The following ADCY7 variants were observed in gnomAD, a reference collection of about 807,000 sequenced individuals.
The protein encoded by ADCY7 is adenylate cyclase 7.
Under a neutral mutation model 120.6 loss-of-function variants are expected in ADCY7, and 72 were observed. That is an observed-to-expected ratio of 0.60 (90% CI 0.49 to 0.73). ADCY7 has a LOEUF of 0.73. ADCY7 is among the 30% of genes least tolerant of loss of function. ADCY7 has a pLI of 0.00. For synonymous variants in ADCY7, 661 were observed against 628.0 expected (o/e 1.05, Z -0.78); for missense variants, 1,227 against 1,486.0 (o/e 0.83, Z 2.87).
Position 50,311,810 on chromosome 16 carries a change from C to CG in ADCY7, c.2448+24_2448+25insG, listed in dbSNP as rs1555525926. The CG allele has an allele frequency of 2.5e-4, 340 of 1,343,068 alleles. No homozygotes were observed. The African/African-American group carries it at 4.5e-3, about 18-fold the overall frequency. The allele number at this position is 1,343,068 out of a possible 1,614,324, so 83.2% of individuals were successfully genotyped here. A position where few individuals can be genotyped will look rare whatever the true frequency, so the allele number is the denominator to read the frequency against. On this transcript the variant is annotated intron_variant, in intron 20 of 25. Transcript: ENST00000673801. ...AGGTAAGGAGGCTGGCCCCCCCCCC[C>CG]CCCCCAAGCTCTGCCCACTTTTCCT...
intron 24 of ADCY7, chr16:50,314,737 C>CT (rs1474498147): frequency 2.2e-6 from 1 of 450,596 alleles, no homozygotes; most frequent in African/African-American, 2.0e-5. Flanking sequence ...TTTGTTAATA[C>CT]TTTTAACAAA....
In ADCY7 at chr16:50,274,892, C is replaced by G. The variant is rs891812810; in HGVS notation, c.-269+8212C>G. 3.9e-5 allele frequency among the ~76,000 whole-genome samples: 6 copies of G among 152,160 alleles called. 1 individual carries two copies. Among genetic ancestry groups the G allele is most frequent in the African/African-American group, 1.4e-4 (6 of 41,442 alleles). ...AGAGAGGGTGAAGAATTGCCCGAGT[C>G]ACACAGCTGGTGACAGGGAGAGCTG... On this transcript the variant is annotated intron_variant, in intron 1 of 25. Coordinates refer to ENST00000673801, the MANE Select transcript of ADCY7 (RefSeq NM_001114.5).
chr16:50,310,735 C>T lies in ADCY7; in HGVS notation c.2209C>T (p.Leu737=), dbSNP rs778318722. 54 of 1,614,020 alleles carry T rather than the reference C, an allele frequency of 3.3e-5. No individual in the cohort carries two copies. The Middle Eastern group carries it at 1.6e-3, about 49-fold the overall frequency. The change falls in exon 19 of 26, where the codon CTG becomes TTG. Residue 737 remains leucine (L), a synonymous_variant. Transcript: ENST00000673801. ...VLGFIACSVF[L]RMSLEPKVVL... ...GGGCTTCATCGCCTGCTCGGTCTTC[C>T]TGAGGATGAGCCTGGAGCCAAAGGT...
intron 1 of ADCY7, among the ~76,000 whole-genome samples, chr16:50,281,409 G>T (rs1189819330): frequency 6.6e-6 from 1 of 152,204 alleles, no homozygotes; most frequent in East Asian, 1.9e-4. Context: ...GGTGCAGCAG[G>T]TGCTTCCCGA....
intron 17 of ADCY7, chr16:50,309,027 G>A (rs944267433): frequency 8.8e-6 from 4 of 456,594 alleles, no homozygotes; most frequent in African/African-American, 2.0e-5. Flanking sequence ...GTGATGCCTT[G>A]AGCCACCACA....
intron 1 of ADCY7, among the ~76,000 whole-genome samples, chr16:50,252,553 A>G (rs1195421733): frequency 1.3e-5 from 2 of 152,046 alleles, no homozygotes; most frequent in East Asian, 1.9e-4. Flanking sequence ...TAAGGTCATC[A>G]TCTCACAGAG....
chr16:50,290,519 CCT>C lies in ADCY7; in HGVS notation c.239_240del (p.Ser80CysfsTer178). ...TCCTGGTGCTGGCGGTGTTTGCGGCCCTCTCTGTGCTGATGTACGTCGAGTGT... is the reference window on the plus strand; with the variant it reads ...TCCTGGTGCTGGCGGTGTTTGCGGCCCTCTGTGCTGATGTACGTCGAGTGT... ...AFLVLAVFAA[L>X]SVLMYVECLL... is the part of the protein sequence containing the mutation. On this transcript the variant is annotated frameshift_variant, in exon 3 of 26. Transcript: ENST00000673801. LOFTEE classifies it high-confidence loss of function. 1 of 1,614,220 alleles carries C rather than the reference CCT, an allele frequency of 6.2e-7. No homozygotes were observed. Among genetic ancestry groups the C allele is most frequent in the Non-Finnish European group, 8.5e-7 (1 of 1,180,046 alleles).
upstream of ADCY7, among the ~76,000 whole-genome samples, chr16:50,266,298 T>C (rs563551512): frequency 6.6e-6 from 1 of 152,096 alleles, no homozygotes; most frequent in South Asian, 2.1e-4. Flanking sequence ...CTAATGGAGG[T>C]TTTTGGTGCT....
At chr16:50,283,143 G>A (rs890703784) in intron 1 of ADCY7, among the ~76,000 whole-genome samples, 8 of 152,326 alleles carry the variant, frequency 5.3e-5, no homozygotes, top group South Asian at 2.1e-4. Context: ...CTTGTTAGAC[G>A]CAACAAACTG....
intron 4 of ADCY7, 137 bp from the exon 5 acceptor site, chr16:50,292,539 C>T: frequency 1.8e-6 from 2 of 1,112,288 alleles, no homozygotes; most frequent in Non-Finnish European, 2.6e-6. Context: ...CTGTCTGCCC[C>T]AGGAAGAGTG....
intron 8 of ADCY7, among the ~76,000 whole-genome samples, chr16:50,299,584 G>A (rs1207675379): frequency 6.6e-6 from 1 of 152,234 alleles, no homozygotes; most frequent in Non-Finnish European, 1.5e-5. Flanking sequence ...GTGTGGGGCA[G>A]AGCAGGGCCC....
intron 1 of ADCY7, among the ~76,000 whole-genome samples, chr16:50,274,466 G>A (rs1281667731): frequency 6.7e-6 from 1 of 149,782 alleles, no homozygotes; most frequent in African/African-American, 2.4e-5. Context: ...GCTGGGTGGG[G>A]CTGCTTCCCC....
chr16:50,274,788 A>G (rs909355711), intron 1 of ADCY7, among the ~76,000 whole-genome samples: 3 of 152,042 alleles, frequency 2.0e-5, no homozygotes, highest in Non-Finnish European at 4.4e-5. Context: ...CCTCTCTGTG[A>G]CTGGCTTCTC....
chr16:50,293,063 C>T (rs1001049251), intron 5 of ADCY7, among the ~76,000 whole-genome samples: 1 of 152,162 alleles, frequency 6.6e-6, no homozygotes, highest in Non-Finnish European at 1.5e-5. Flanking sequence ...GCAGAGAAGG[C>T]CGTAGTGGCT....
At chr16:50,255,122 C>CAA (rs34287607) in intron 1 of ADCY7, among the ~76,000 whole-genome samples, 2,719 of 103,320 alleles carry the variant, frequency 0.026, 158 homozygotes, top group African/African-American at 0.077. Flanking sequence ...CTTGTCTCTA[C>CAA]AAAAAAAAAA....
intron 1 of ADCY7, among the ~76,000 whole-genome samples, chr16:50,248,206 C>A (rs1460182311): frequency 6.6e-6 from 1 of 152,242 alleles, no homozygotes; most frequent in Non-Finnish European, 1.5e-5. Flanking sequence ...GGGCAGCACA[C>A]ATTCCCTGCC....
rs138143227 is a variant in ADCY7, at chr16:50,281,588, G to GAC, written c.-268-6312_-268-6311dup. ...AGGTGTTTGCCAGGACCAGCTGCGG[G>GAC]ACACACACACACAGATCCCACCACG... On this transcript the variant is annotated intron_variant, in intron 1 of 25. Coordinates refer to ENST00000673801, the MANE Select transcript of ADCY7 (RefSeq NM_001114.5). 1.2e-4 allele frequency among the ~76,000 whole-genome samples: 18 copies of GAC among 152,086 alleles called. No individual in the cohort carries two copies. In the South Asian group the frequency reaches 1.2e-3, roughly 11 times the overall value.
chr16:50,281,382 G>A (rs573438865), intron 1 of ADCY7, among the ~76,000 whole-genome samples: 2 of 143,618 alleles, frequency 1.4e-5, no homozygotes, highest in East Asian at 4.0e-4. Flanking sequence ...GCTGTGGCAG[G>A]TAAGGCAGGT....
At chr16:50,289,365 G>A in intron 2 of ADCY7, 1 of 440,238 alleles carries the variant, frequency 2.3e-6, no homozygotes, top group Admixed American at 2.5e-5. Context: ...AGCTCTCCAG[G>A]CTGGCACCAC....
Sources: allele counts gnomAD v4.1 joint callset (sites outside exome capture counted in the v4.1 genomes callset), GRCh38; gene constraint gnomAD v4.1.1; transcripts MANE v1.5; gene names NCBI Gene and HGNC (gene_info 2026-07-23, HGNC 2026-07-21).